Variants in VAC14 observed in about 807,000 individuals in gnomAD.
VAC14 encodes the protein VAC14 component of PIKFYVE complex, also known as protein VAC14 homolog.
A neutral mutation model predicts 85.3 loss-of-function variants in VAC14; 47 were observed. The observed-to-expected ratio is 0.55, with a 90% CI of 0.44 to 0.70. The LOEUF is 0.70. VAC14 is among the 30% of genes least tolerant of loss of function. The pLI is 0.00. For synonymous variants in VAC14, 447 were observed against 430.5 expected, an observed-to-expected ratio of 1.04 and a Z score of -0.47; for missense variants, 861 against 1,004.3, an observed-to-expected ratio of 0.86 and a Z score of 1.93.
At chr16:70,731,309 T>C (rs913016889) in intron 14 of VAC14, 186 bp downstream of exon 14, 2 of 1,438,464 alleles carry the variant, frequency 1.4e-6, no homozygotes, top group African/African-American at 2.8e-5. Context: ...ACCTGTCTGT[T>C]TCATGTCAGA....
At position 70,732,100 on chromosome 16, in the gene VAC14, T is replaced by C. The variant is rs1310406709; in HGVS notation, c.1529-473A>G. On this transcript the variant is annotated intron_variant, in intron 13 of 18. Coordinates refer to ENST00000261776, the MANE Select transcript of VAC14 (RefSeq NM_018052.5). ...GTACTTGTGTCAGTGAGTCAAGTCA[T>C]TGTGGCTCAATGGTCAACAAAACTG... 1.4e-4 allele frequency among the ~76,000 whole-genome samples: 21 copies of C among 152,218 alleles called. 1 individual carries two copies. Among genetic ancestry groups the C allele is most frequent in the Non-Finnish European group, 2.9e-4 (20 of 68,032 alleles).
intron 1 of VAC14, among the ~76,000 whole-genome samples, chr16:70,795,637 C>T (rs2034515560): frequency 1.3e-5 from 2 of 152,208 alleles, no homozygotes; most frequent in African/African-American, 4.8e-5. Flanking sequence ...GCTCCAGGGA[C>T]TCGCCTCCCC....
chr16:70,718,246 T>C (rs1171076879), intron 14 of VAC14, among the ~76,000 whole-genome samples: 1 of 152,212 alleles, frequency 6.6e-6, no homozygotes, highest in Non-Finnish European at 1.5e-5. Context: ...GAGGAGATAG[T>C]GATGATCCCC....
intron 14 of VAC14, among the ~76,000 whole-genome samples, chr16:70,710,684 C>T (rs1398615205): frequency 6.6e-6 from 1 of 152,254 alleles, no homozygotes; most frequent in Non-Finnish European, 1.5e-5. Flanking sequence ...CCTTCTGCCT[C>T]GTCGGTGCTG....
intron 1 of VAC14, among the ~76,000 whole-genome samples, chr16:70,799,865 C>T (rs907866203): frequency 1.2e-4 from 19 of 152,342 alleles, no homozygotes; most frequent in Admixed American, 1.0e-3. Flanking sequence ...CTACATGTGG[C>T]TATTGAACAC....
At chr16:70,777,187 C>T (rs1486904895) in intron 9 of VAC14, among the ~76,000 whole-genome samples, 3 of 152,082 alleles carry the variant, frequency 2.0e-5, no homozygotes, top group Admixed American at 1.3e-4. Context: ...TCAAATGATC[C>T]GCCTGCCTTA....
At chr16:70,794,938 AATGTT>A (rs1420684536) in intron 1 of VAC14, among the ~76,000 whole-genome samples, 2 of 152,236 alleles carry the variant, frequency 1.3e-5, no homozygotes, top group African/African-American at 2.4e-5. Flanking sequence ...GTAAGATGAT[AATGTT>A]ATATTTTTAC....
At chr16:70,707,068 A>G (rs1177791972) in intron 14 of VAC14, among the ~76,000 whole-genome samples, 1 of 152,194 alleles carries the variant, frequency 6.6e-6, no homozygotes, top group African/African-American at 2.4e-5. Flanking sequence ...GTATAACCTT[A>G]GGATAGGGAG....
intron 9 of VAC14, chr16:70,773,339 T>A (rs764499957): frequency 2.0e-5 from 3 of 152,358 alleles, no homozygotes; most frequent in Non-Finnish European, 4.4e-5. Flanking sequence ...GTATTTAACT[T>A]ACCATCATAT....
At chr16:70,794,746 C>A (rs1381836991) in intron 1 of VAC14, among the ~76,000 whole-genome samples, 2 of 152,128 alleles carry the variant, frequency 1.3e-5, no homozygotes, top group Non-Finnish European at 1.5e-5. Context: ...CCCCCAGGGG[C>A]CAGCCTGTGA....
chr16:70,687,915 C>A lies in VAC14; in HGVS notation c.*13G>T. ...TGGGACCACTCGGTGGGCCCTCCTCCGTGCCAGGCCTGTCAGAGGACAACC... is the reference window on the plus strand; with the variant it reads ...TGGGACCACTCGGTGGGCCCTCCTCAGTGCCAGGCCTGTCAGAGGACAACC... On this transcript the variant is annotated 3_prime_UTR_variant, in exon 19 of 19. Coordinates refer to ENST00000261776, the MANE Select transcript of VAC14 (RefSeq NM_018052.5). 6.6e-7 allele frequency: 1 copy of A among 1,510,862 alleles called. No homozygotes were observed. The allele number at this position is 1,510,862 out of a possible 1,614,324, so 93.6% of individuals were successfully genotyped here.
intron 18 of VAC14, chr16:70,690,475 C>T (rs898620352): frequency 2.0e-6 from 2 of 985,636 alleles, no homozygotes; most frequent in Admixed American, 6.1e-5. Context: ...CACCCATGCA[C>T]CTGTTGCCAG....
At chr16:70,716,782 C>G (rs1226896398) in intron 14 of VAC14, 1 of 152,230 alleles carries the variant, frequency 6.6e-6, no homozygotes, top group Non-Finnish European at 1.5e-5. Flanking sequence ...ATGGATGCTT[C>G]CAGAAATAGT....
chr16:70,731,813 C>T (rs2054600365), intron 13 of VAC14, among the ~76,000 whole-genome samples, 186 bp from the exon 14 acceptor site: 2 of 151,808 alleles, frequency 1.3e-5, no homozygotes, highest in East Asian at 3.9e-4. Context: ...TCTGCACAAG[C>T]AAATACAACT....
At chr16:70,695,464 A>G (rs1447309198) in intron 17 of VAC14, 80 bp downstream of exon 17, 2 of 1,459,920 alleles carry the variant, frequency 1.4e-6, no homozygotes, top group East Asian at 2.3e-5. Flanking sequence ...AAAGAGACCA[A>G]CTGGAGCTTG....
intron 12 of VAC14, among the ~76,000 whole-genome samples, chr16:70,754,566 G>A (rs1276369321): frequency 6.6e-6 from 1 of 152,188 alleles, no homozygotes; most frequent in East Asian, 1.9e-4. Context: ...GACAGCCGCG[G>A]GGAGAGGGGA....
intron 5 of VAC14, 58 bp downstream of exon 5, chr16:70,784,055 C>G: frequency 7.0e-7 from 1 of 1,426,770 alleles, no homozygotes; most frequent in Non-Finnish European, 9.9e-7. Context: ...CAAGAGTGTG[C>G]TAGAGAGCAG....
At chr16:70,700,060 G>A (rs187426526) in intron 14 of VAC14, 1 of 152,160 alleles carries the variant, frequency 6.6e-6, no homozygotes, top group Non-Finnish European at 1.5e-5. Context: ...TCTCCTCCTA[G>A]GTCGCTGGAC....
chr16:70,784,694 C>A, intron 4 of VAC14, 82 bp downstream of exon 4: 1 of 1,295,314 alleles, frequency 7.7e-7, no homozygotes, highest in Non-Finnish European at 1.1e-6. Flanking sequence ...GAAGAACATT[C>A]CCAATGACAG....
Sources: allele counts gnomAD v4.1 joint callset (sites outside exome capture counted in the v4.1 genomes callset), GRCh38; gene constraint gnomAD v4.1.1; transcripts MANE v1.5; gene names NCBI Gene and HGNC (gene_info 2026-07-23, HGNC 2026-07-21).